The following PITRM1 variants were observed in gnomAD, a reference collection of about 807,000 sequenced individuals.
PITRM1 encodes presequence protease, mitochondrial.
Under a neutral mutation model 129.9 loss-of-function variants are expected in PITRM1, and 100 were observed. The observed-to-expected ratio is 0.77, with a 90% CI of 0.65 to 0.91. PITRM1 has a LOEUF of 0.91. Ranked by LOEUF, PITRM1 falls within the 40% of genes least tolerant of loss-of-function variation. The pLI is 0.00. For synonymous variants in PITRM1, 591 were observed against 508.8 expected, an observed-to-expected ratio of 1.16 and a Z score of -2.17; for missense variants, 1,471 against 1,318.3, an observed-to-expected ratio of 1.12 and a Z score of -1.79.
chr10:3,159,991 C>T (rs369883844), intron 8 of PITRM1, 55 bp from the exon 9 acceptor site: 13 of 1,338,418 alleles, frequency 9.7e-6, no homozygotes, highest in African/African-American at 1.4e-5. Flanking sequence ...TTGTCAACTA[C>T]TCTAGGTTAT....
intron 20 of PITRM1, chr10:3,146,842 G>A: frequency 5.3e-6 from 1 of 188,730 alleles, no homozygotes; most frequent in Non-Finnish European, 1.1e-5. Flanking sequence ...CTTTTACTCT[G>A]GTCTTCAGCA....
chr10:3,165,371 A>G (rs1342715493), intron 5 of PITRM1, 37 bp from the exon 6 acceptor site: 4 of 1,599,492 alleles, frequency 2.5e-6, no homozygotes, highest in Admixed American at 1.7e-5. Flanking sequence ...AGTGACTCAA[A>G]TACTAAAGTC....
chr10:3,159,898 A>C lies in PITRM1; in HGVS notation c.957T>G (p.Ala319=), dbSNP rs762403916. 1.1e-5 allele frequency: 17 copies of C among 1,605,570 alleles called. No individual in the cohort carries two copies. In the East Asian group the frequency reaches 3.8e-4, roughly 36 times the overall value. ...FQITCGPDSF[A]TDPSKQTTIS... is the part of the protein sequence containing the mutation. ...TGGTTGTTTGTTTAGAGGGATCTGT[A>C]GCAAATGAATCCGGGCCACATGTTA... is the stretch of plus-strand genomic sequence containing the variant. The change falls in exon 9 of 27, where the codon GCT becomes GCG. Residue 319 remains alanine, a synonymous_variant. Transcript: ENST00000224949.
intron 25 of PITRM1, 22 bp from the exon 26 acceptor site, chr10:3,138,359 C>T (rs371432219): frequency 1.3e-5 from 21 of 1,555,672 alleles, no homozygotes; most frequent in Middle Eastern, 1.7e-4. Context: ...TCCACAGGCA[C>T]GATGGAGCCG....
intron 1 of PITRM1, among the ~76,000 whole-genome samples, chr10:3,171,147 TAAAAAAAAA>T (rs1169315061): frequency 8.5e-4 from 42 of 49,188 alleles, no homozygotes; most frequent in Non-Finnish European, 1.4e-3. Flanking sequence ...ATCGTTCAAT[TAAAAAAAAA>T]AAAAAAAAAA....
intron 24 of PITRM1, 49 bp downstream of exon 24, chr10:3,140,638 G>GA (rs1840092033): frequency 2.0e-6 from 3 of 1,527,694 alleles, no homozygotes; most frequent in Non-Finnish European, 2.7e-6. Context: ...ATGAGTAGAA[G>GA]ACTAAAACGA....
Position 3,138,327 on chromosome 10 carries a change from G to C in PITRM1, c.2928C>G (p.His976Gln), listed in dbSNP as rs747554708. 3 of 1,612,536 alleles carry C rather than the reference G, an allele frequency of 1.9e-6. No homozygotes were observed. The highest frequency in any genetic ancestry group is 1.3e-5 in the African/African-American group (1 of 74,918). The part of the protein sequence containing the change: ...PVAPSDKGMD[H>Q]FLYGLSDEMK... ...TCTCATCCGAGAGGCCGTACAAGAA[G>C]TGGTCCATTCCTAGAAGACAATCCA... The change falls in exon 26 of 27, where the codon CAC becomes CAG. Residue 976 changes from histidine to glutamine, a missense_variant. By Grantham distance (24) the His-to-Gln change is conservative. Transcript: ENST00000224949.
At chr10:3,140,327 C>T (rs1372835725) in intron 24 of PITRM1, among the ~76,000 whole-genome samples, 1 of 152,160 alleles carries the variant, frequency 6.6e-6, no homozygotes, top group Non-Finnish European at 1.5e-5. Flanking sequence ...CAATTTAAAA[C>T]TTAGGAAGTG....
Position 3,148,012 on chromosome 10 carries a change from G to A in PITRM1, c.2044C>T (p.Gln682Ter). ...TTGTTAAATATTTCACTCCATAGCT[G>A]CATCATGTCTGGCAGGTTTCGATCC... ...CLDRNLPDMMQLWSEIFNNPC... is the reference protein window; with the variant it reads ...CLDRNLPDMM The change falls in exon 18 of 27, where the codon CAG (glutamine) becomes TAG (stop). Residue 682 changes from glutamine to a stop codon, truncating the protein, a stop_gained. Coordinates refer to ENST00000224949, the MANE Select transcript of PITRM1 (RefSeq NM_014889.4). LOFTEE classifies it high-confidence loss of function. The A allele has an allele frequency of 6.2e-7, 1 of 1,612,842 alleles. No homozygotes were observed. Among genetic ancestry groups the A allele is most frequent in the Non-Finnish European group, 8.5e-7 (1 of 1,178,824 alleles).
chr10:3,172,730 G>A lies in PITRM1; in HGVS notation c.43C>T (p.Arg15Trp), dbSNP rs1372927594. 4.5e-6 allele frequency: 7 copies of A among 1,542,558 alleles called. No individual in the cohort carries two copies. Among genetic ancestry groups the A allele is most frequent in the African/African-American group, 1.4e-5 (1 of 72,318 alleles). The change falls in exon 1 of 27, where the codon CGG becomes TGG. Residue 15 changes from arginine to tryptophan, a missense_variant. Transcript: ENST00000224949. ...GCAGCGTCTCACCCGCCGCTCAGCC[G>A]CCTCAGCACACACAGGCCCTGCCGC... ...GGRQGLCVLR[R>W]LSGGHAHHRA...
intron 20 of PITRM1, 124 bp downstream of exon 20, chr10:3,147,026 T>C: frequency 3.8e-6 from 2 of 528,512 alleles, no homozygotes; most frequent in Non-Finnish European, 6.6e-6. Context: ...CACTTGACAT[T>C]TACAATAAAT....
At chr10:3,155,758 C>A (rs750075320) in intron 13 of PITRM1, 29 bp from the exon 14 acceptor site, 4 of 1,611,156 alleles carry the variant, frequency 2.5e-6, no homozygotes, top group Non-Finnish European at 3.4e-6. Flanking sequence ...CAACAAAAGC[C>A]AAGTGAAAAC....
chr10:3,138,270 A>T lies in PITRM1; in HGVS notation c.2985T>A (p.Ala995=). 1 of 1,613,854 alleles carries T rather than the reference A, an allele frequency of 6.2e-7. No individual in the cohort carries two copies. The highest frequency in any genetic ancestry group is 8.5e-7 in the Non-Finnish European group (1 of 1,179,766). ...CGGCCAGGAGCTTGTCGTGGCTGAC[A>T]GCAAAGAGCTGCTCTCTGTGGGCCT... ...MKQAHREQLF[A]VSHDKLLAVS... is the part of the protein sequence containing the mutation. Residue 995 remains alanine (A), a synonymous_variant, in exon 26 of 27, where the codon GCT becomes GCA. Coordinates refer to ENST00000224949, the MANE Select transcript of PITRM1 (RefSeq NM_014889.4).
At chr10:3,148,543 G>C in intron 16 of PITRM1, 1 of 454,230 alleles carries the variant, frequency 2.2e-6, no homozygotes, top group South Asian at 4.2e-5. Context: ...CAAGACACTT[G>C]GGCAGCCAGT....
intron 23 of PITRM1, 138 bp downstream of exon 23, chr10:3,143,251 C>G (rs1288804318): frequency 9.6e-6 from 6 of 626,366 alleles, no homozygotes; most frequent in Admixed American, 8.0e-5. Context: ...CACTCGTAGA[C>G]TCACACAGCC....
chr10:3,138,120 G>C lies in PITRM1; in HGVS notation c.3025C>G (p.Leu1009Val), dbSNP rs1839742068. The change falls in exon 27 of 27, where the codon CTC (leucine) becomes GTC (valine). Residue 1009 changes from leucine to valine, a missense_variant. By Grantham distance (32) the Leu-to-Val change is conservative. Coordinates refer to ENST00000224949, the MANE Select transcript of PITRM1 (RefSeq NM_014889.4). ...CCGTGTGTGCTCTTCCCAGTGCCGA[G>C]GTATCTGAGAGGAAGGCAGGCGTGG... The part of the protein sequence containing the change: ...DKLLAVSDRY[L>V]GTGKSTHGLA... 1 of 1,608,144 alleles carries C rather than the reference G, an allele frequency of 6.2e-7. No homozygotes were observed. Among genetic ancestry groups the C allele is most frequent in the Admixed American group, 1.7e-5 (1 of 59,492 alleles).
rs935609796 is a variant in PITRM1 at position 3,151,257 on chromosome 10, C to T, written c.1728G>A (p.Val576=). The T allele has an allele frequency of 1.3e-6, 2 of 1,588,770 alleles. No homozygotes were observed. The highest frequency in any genetic ancestry group is 2.7e-5 in the African/African-American group (2 of 74,626). The change falls in exon 15 of 27, where the codon GTG becomes GTA. Residue 576 remains valine (V), a synonymous_variant. Coordinates refer to ENST00000224949, the MANE Select transcript of PITRM1 (RefSeq NM_014889.4). Reference sequence around the variant, plus strand: ...AGCGTTCACAGTGACCTGTCAGGACCACGTCCAACTCTGTGACAGGTATGG... The same window carrying T: ...AGCGTTCACAGTGACCTGTCAGGACTACGTCCAACTCTGTGACAGGTATGG... The part of the protein sequence containing the change: ...EPTIPVTELD[V]VLTAGDIPVQ...
chr10:3,170,041 A>G (rs1843205329), intron 2 of PITRM1, 63 bp downstream of exon 2: 4 of 1,258,370 alleles, frequency 3.2e-6, no homozygotes, highest in Non-Finnish European at 4.6e-6. Context: ...CTCCGTACAT[A>G]GGCCAGAAGC....
At chr10:3,156,283 T>C (rs1841978583) in intron 13 of PITRM1, among the ~76,000 whole-genome samples, 1 of 152,190 alleles carries the variant, frequency 6.6e-6, no homozygotes, top group African/African-American at 2.4e-5. Context: ...AAACTACACA[T>C]GCACAAAATG....
Sources: allele counts gnomAD v4.1 joint callset (sites outside exome capture counted in the v4.1 genomes callset), GRCh38; gene constraint gnomAD v4.1.1; transcripts MANE v1.5; gene names NCBI Gene and HGNC (gene_info 2026-07-23, HGNC 2026-07-21).